The following BACH2 variants were observed in gnomAD, a reference collection of about 807,000 sequenced individuals.
BACH2 encodes the protein BACH transcriptional regulator 2.
BACH2 carries 5 observed loss-of-function variants against 61.8 expected under a neutral mutation model. The ratio of observed to expected loss-of-function variants is 0.08; its 90% CI spans 0.04 to 0.17. BACH2 has a LOEUF of 0.17. Among genes scored for constraint, BACH2 ranks in the 10% least tolerant of loss-of-function variants. The pLI is 1.00. For synonymous variants in BACH2, 446 were observed against 440.1 expected, an observed-to-expected ratio of 1.01 and a Z score of -0.17; for missense variants, 824 against 1,091.1, an observed-to-expected ratio of 0.76 and a Z score of 3.45.
intron 8 of BACH2, 93 bp downstream of exon 8, chr6:89,938,051 C>A: frequency 8.2e-7 from 1 of 1,216,858 alleles, no homozygotes. Flanking sequence ...CAAAGGGTGA[C>A]CCTTCTGTCT....
chr6:89,993,567 C>T (rs1460987930), intron 6 of BACH2, among the ~76,000 whole-genome samples: 2 of 152,130 alleles, frequency 1.3e-5, no homozygotes, highest in Non-Finnish European at 2.9e-5. Context: ...AGGTGCAGAT[C>T]CATTATAGCA....
chr6:90,265,919 G>A lies in BACH2; in HGVS notation c.-353+5930C>T, dbSNP rs570132167. Among the ~76,000 whole-genome samples the A allele has an allele frequency of 5.3e-5, 8 of 152,290 alleles. 1 individual carries two copies. In the South Asian group the frequency reaches 1.7e-3, roughly 32 times the overall value. ...CAGTGCTCTCTATACATTATCCCAT[G>A]TAACTATCTCTACAACCCTATGATG... On this transcript the variant is annotated intron_variant, in intron 2 of 8. Coordinates refer to ENST00000257749, the MANE Select transcript of BACH2 (RefSeq NM_021813.4).
chr6:89,984,787 C>T (rs1219585025), intron 6 of BACH2, among the ~76,000 whole-genome samples: 1 of 152,172 alleles, frequency 6.6e-6, no homozygotes, highest in Non-Finnish European at 1.5e-5. Flanking sequence ...AACTCATTTT[C>T]TTCTTTAAAT....
At chr6:90,224,910 G>A (rs536021785) in intron 3 of BACH2, among the ~76,000 whole-genome samples, 1 of 152,322 alleles carries the variant, frequency 6.6e-6, no homozygotes, top group Admixed American at 6.5e-5. Context: ...ACTGCAGAAA[G>A]TGTTTTCAGA....
chr6:90,022,451 G>T (rs1395690084), intron 5 of BACH2, among the ~76,000 whole-genome samples: 1 of 152,186 alleles, frequency 6.6e-6, no homozygotes, highest in Non-Finnish European at 1.5e-5. Flanking sequence ...GGGTATATTA[G>T]TGCATGCCTG....
At chr6:90,186,010 T>C (rs1002143816) in intron 4 of BACH2, among the ~76,000 whole-genome samples, 2 of 152,180 alleles carry the variant, frequency 1.3e-5, no homozygotes, top group African/African-American at 4.8e-5. Context: ...ATTAATAGGC[T>C]ACTTTTAAAA....
intron 3 of BACH2, among the ~76,000 whole-genome samples, chr6:90,241,620 C>A (rs1242180224): frequency 1.3e-5 from 2 of 152,154 alleles, no homozygotes; most frequent in African/African-American, 4.8e-5. Context: ...AGGTAGGAGA[C>A]AACTAATGCT....
intron 6 of BACH2, among the ~76,000 whole-genome samples, chr6:89,958,990 A>C (rs1309322756): frequency 2.6e-5 from 4 of 152,162 alleles, no homozygotes; most frequent in Non-Finnish European, 5.9e-5. Context: ...ACAAGAGAAC[A>C]TTAAACAAAG....
chr6:90,151,747 T>C (rs773478376), intron 4 of BACH2, among the ~76,000 whole-genome samples: 4 of 152,256 alleles, frequency 2.6e-5, no homozygotes, highest in Admixed American at 2.0e-4. Flanking sequence ...CTCCTAAATC[T>C]GTAGTGTCCC....
intron 1 of BACH2, among the ~76,000 whole-genome samples, chr6:90,290,244 C>T (rs1772138196): frequency 6.6e-6 from 1 of 152,214 alleles, no homozygotes; most frequent in South Asian, 2.1e-4. Flanking sequence ...GCTTCCCCAA[C>T]CTCCCGACCA....
At chr6:90,293,388 C>T (rs1460621400) in intron 1 of BACH2, among the ~76,000 whole-genome samples, 3 of 152,232 alleles carry the variant, frequency 2.0e-5, no homozygotes, top group Non-Finnish European at 4.4e-5. Context: ...ACTGGATCCA[C>T]ACCAGAGACA....
intron 1 of BACH2, among the ~76,000 whole-genome samples, chr6:90,278,256 C>T (rs920212662): frequency 6.6e-6 from 1 of 152,174 alleles, no homozygotes; most frequent in South Asian, 2.1e-4. Flanking sequence ...TGTGCTTTTC[C>T]ATGTTTTCCT....
intron 5 of BACH2, among the ~76,000 whole-genome samples, chr6:90,042,448 C>T (rs890202638): frequency 5.9e-5 from 9 of 151,916 alleles, no homozygotes; most frequent in Admixed American, 4.6e-4. Context: ...CATCCACTCA[C>T]CTCGGCCTCC....
At chr6:90,141,802 T>C (rs568418666) in intron 4 of BACH2, among the ~76,000 whole-genome samples, 1 of 152,204 alleles carries the variant, frequency 6.6e-6, no homozygotes, top group East Asian at 1.9e-4. Context: ...CTATTCAGGC[T>C]GTGTGCAGTG....
At chr6:90,118,453 C>T (rs1206825812) in intron 4 of BACH2, among the ~76,000 whole-genome samples, 3 of 152,210 alleles carry the variant, frequency 2.0e-5, no homozygotes, top group African/African-American at 7.2e-5. Context: ...AAGTACATTG[C>T]TAGTCTCACT....
At chr6:90,286,192 A>G (rs1472250838) in intron 1 of BACH2, among the ~76,000 whole-genome samples, 1 of 152,242 alleles carries the variant, frequency 6.6e-6, no homozygotes, top group Non-Finnish European at 1.5e-5. Flanking sequence ...ATCGACCACA[A>G]GAACTGGTAA....
At chr6:90,032,588 C>G (rs1012397796) in intron 5 of BACH2, among the ~76,000 whole-genome samples, 9 of 150,852 alleles carry the variant, frequency 6.0e-5, no homozygotes, top group Admixed American at 1.3e-4. Context: ...TTTATGCAGC[C>G]AAAAGACACA....
At chr6:90,078,567 G>T (rs1781577561) in intron 5 of BACH2, among the ~76,000 whole-genome samples, 1 of 152,124 alleles carries the variant, frequency 6.6e-6, no homozygotes, top group Non-Finnish European at 1.5e-5. Context: ...GAATAGAGGA[G>T]AACTCCCAAA....
intron 4 of BACH2, among the ~76,000 whole-genome samples, chr6:90,168,829 G>A (rs1226914554): frequency 6.6e-6 from 1 of 152,062 alleles, no homozygotes; most frequent in East Asian, 1.9e-4. Flanking sequence ...TCTTGGAATC[G>A]CTGGACACCA....
Sources: gnomAD v4.1 joint callset for allele counts (sites outside exome capture counted in the v4.1 genomes callset) on GRCh38, gnomAD v4.1.1 for gene constraint, MANE v1.5 for transcripts, NCBI Gene and HGNC (gene_info 2026-07-23, HGNC 2026-07-21) for gene names.